The following WDPCP variants were observed in gnomAD, a reference collection of about 807,000 sequenced individuals.
WDPCP encodes WD repeat containing planar cell polarity effector, also known as WD repeat-containing and planar cell polarity effector protein fritz homolog.
Under a neutral mutation model 93.1 loss-of-function variants are expected in WDPCP, and 71 were observed. The observed-to-expected ratio is 0.76, with a 90% CI of 0.63 to 0.93. The LOEUF (loss-of-function observed/expected upper bound fraction) is 0.93, where lower values mean the gene tolerates loss of function less well. WDPCP is among the 40% of genes least tolerant of loss of function. The pLI is 0.00. For synonymous variants in WDPCP, 315 were observed against 315.0 expected, an observed-to-expected ratio of 1.00 and a Z score of 0.00; for missense variants, 844 against 887.4, an observed-to-expected ratio of 0.95 and a Z score of 0.62.
At chr2:63,605,683 C>G (rs938643560) in intron 3 of WDPCP, 1 of 587,962 alleles carries the variant, frequency 1.7e-6, no homozygotes, top group Non-Finnish European at 3.0e-6. Flanking sequence ...TTTTTTTCTT[C>G]TATGCCACAG....
At chr2:63,598,896 C>CAAA (rs1333463606) in intron 3 of WDPCP, among the ~76,000 whole-genome samples, 4 of 72,226 alleles carry the variant, frequency 5.5e-5, no homozygotes, top group African/African-American at 1.4e-4. Context: ...AAAGAGGTAC[C>CAAA]AAAAAAAAAA....
chr2:63,338,008 T>C (rs1166164613), intron 12 of WDPCP, among the ~76,000 whole-genome samples: 1 of 152,180 alleles, frequency 6.6e-6, no homozygotes, highest in East Asian at 1.9e-4. Flanking sequence ...CTTGAGGTAA[T>C]CTCATTTGTC....
chr2:63,312,743 G>C (rs1686273432), intron 13 of WDPCP, among the ~76,000 whole-genome samples: 1 of 152,146 alleles, frequency 6.6e-6, no homozygotes, highest in Admixed American at 6.5e-5. Flanking sequence ...GAGGGCCAGA[G>C]TGTACATGAA....
rs565618255 is a variant in WDPCP, at chr2:63,460,917, C to G, written c.385-21046G>C. On this transcript the variant is annotated intron_variant, in intron 6 of 17. Transcript: ENST00000272321. The stretch of plus-strand genomic sequence containing the variant: ...CTGGGATTACAGGTGTGAGCCACTG[C>G]GCCCAGCCACTAAGTCTCTTATAAG... Among the ~76,000 whole-genome samples the G allele has an allele frequency of 2.3e-3, 352 of 152,086 alleles. 1 individual carries two copies. The highest frequency in any genetic ancestry group is 4.0e-3 in the Non-Finnish European group (275 of 67,972).
At chr2:63,654,932 C>A (rs893986252) in intron 2 of WDPCP, among the ~76,000 whole-genome samples, 3 of 152,020 alleles carry the variant, frequency 2.0e-5, no homozygotes, top group Admixed American at 2.0e-4. Flanking sequence ...TGGGATTAAG[C>A]TTTGCCTTTG....
chr2:63,202,004 A>G (rs1403390415), intron 14 of WDPCP, among the ~76,000 whole-genome samples: 1 of 151,612 alleles, frequency 6.6e-6, no homozygotes, highest in Non-Finnish European at 1.5e-5. Flanking sequence ...TATAAATTCT[A>G]GCATTAATTT....
chr2:63,634,335 G>A (rs1709899465), intron 3 of WDPCP, among the ~76,000 whole-genome samples: 1 of 152,122 alleles, frequency 6.6e-6, no homozygotes, highest in South Asian at 2.1e-4. Context: ...TATAACAATT[G>A]TAAATATGCA....
intron 17 of WDPCP, among the ~76,000 whole-genome samples, chr2:63,145,375 G>T (rs1671415715): frequency 6.6e-6 from 1 of 151,858 alleles, no homozygotes; most frequent in African/African-American, 2.4e-5. Flanking sequence ...GTACCATCAG[G>T]TGGGGGTGGG....
intron 14 of WDPCP, among the ~76,000 whole-genome samples, chr2:63,179,165 A>C (rs1359445902): frequency 6.7e-6 from 1 of 149,394 alleles, no homozygotes; most frequent in Non-Finnish European, 1.5e-5. Flanking sequence ...GCACCACTGC[A>C]CTCCAGCCTG....
chr2:63,371,773 C>T (rs1466693933), intron 12 of WDPCP, among the ~76,000 whole-genome samples: 7 of 152,028 alleles, frequency 4.6e-5, no homozygotes, highest in Non-Finnish European at 8.8e-5. Context: ...TGAGGGAGAA[C>T]AAGAGAATTT....
chr2:63,166,473 C>T (rs568665314), intron 15 of WDPCP, among the ~76,000 whole-genome samples: 54 of 152,242 alleles, frequency 3.5e-4, no homozygotes, highest in African/African-American at 1.3e-3. Flanking sequence ...GGGGCGCGAT[C>T]AGCTCACTAA....
chr2:63,327,072 A>C (rs1255820913), intron 12 of WDPCP, among the ~76,000 whole-genome samples: 1 of 151,788 alleles, frequency 6.6e-6, no homozygotes, highest in Non-Finnish European at 1.5e-5. Context: ...TACCATACAA[A>C]GTTCTGACCA....
At position 63,177,492 on chromosome 2, in the gene WDPCP, C is replaced by T. The variant is rs117185318; in HGVS notation, c.1916-2660G>A. ...CCAAAGTATTTTATTCTTTTTGATG[C>T]TATTGTAAATGAAATTGTTTTCTTG... On this transcript the variant is annotated intron_variant, in intron 14 of 17. Coordinates refer to ENST00000272321, the MANE Select transcript of WDPCP (RefSeq NM_015910.7). Among the ~76,000 whole-genome samples, 760 of 152,172 alleles carry T rather than the reference C, an allele frequency of 5.0e-3. 21 individuals carry two copies. Among genetic ancestry groups the T allele is most frequent in the East Asian group, 0.028 (146 of 5,194 alleles).
At chr2:63,645,456 G>A (rs1710036786) in intron 3 of WDPCP, among the ~76,000 whole-genome samples, 1 of 152,142 alleles carries the variant, frequency 6.6e-6, no homozygotes, top group South Asian at 2.1e-4. Context: ...TCCAAGTGCT[G>A]AGAAAAAGAA....
intron 13 of WDPCP, among the ~76,000 whole-genome samples, chr2:63,266,927 T>C (rs992877844): frequency 6.6e-6 from 1 of 152,206 alleles, no homozygotes; most frequent in Admixed American, 6.5e-5. Context: ...TACTAATTCA[T>C]TGCAATTCCT....
intron 6 of WDPCP, among the ~76,000 whole-genome samples, chr2:63,455,425 T>C (rs889808015): frequency 1.3e-5 from 2 of 148,972 alleles, no homozygotes; most frequent in African/African-American, 2.5e-5. Flanking sequence ...TATATATATA[T>C]ATATATATAT....
intron 1 of WDPCP, among the ~76,000 whole-genome samples, chr2:63,522,208 G>C (rs553425023): frequency 6.6e-6 from 1 of 151,436 alleles, no homozygotes; most frequent in Non-Finnish European, 1.5e-5. Context: ...GGCAGGTGAT[G>C]TTCCCCTCCC....
chr2:63,450,535 A>C (rs1243979722), intron 6 of WDPCP, among the ~76,000 whole-genome samples: 12 of 152,160 alleles, frequency 7.9e-5, no homozygotes, highest in Admixed American at 7.9e-4. Context: ...AAGGTCCAGT[A>C]ACTGACCTGC....
intron 12 of WDPCP, among the ~76,000 whole-genome samples, chr2:63,368,298 AT>A (rs1558527611): frequency 0.025 from 686 of 27,232 alleles, 5 homozygotes; most frequent in East Asian, 0.11. Context: ...TTTATTTTTA[AT>A]TTATTTATTT....
Sources: allele counts gnomAD v4.1 joint callset (sites outside exome capture counted in the v4.1 genomes callset), GRCh38; gene constraint gnomAD v4.1.1; transcripts MANE v1.5; gene names NCBI Gene and HGNC (gene_info 2026-07-23, HGNC 2026-07-21).